The following HS6ST3 variants were observed in gnomAD, a reference collection of about 807,000 sequenced individuals.
HS6ST3 encodes the protein heparan sulfate 6-O-sulfotransferase 3.
HS6ST3 carries 12 observed loss-of-function variants against 36.7 expected under a neutral mutation model. That is an observed-to-expected ratio of 0.33 (90% CI 0.21 to 0.53). The LOEUF is 0.53. HS6ST3 is among the 20% of genes least tolerant of loss of function. The probability of loss-of-function intolerance (pLI) is 0.95; values close to 1 mark genes in which losing one functional copy is unlikely to be tolerated. For missense variants in HS6ST3, 584 were observed against 640.9 expected (o/e 0.91, Z 0.96); for synonymous variants, 240 against 257.5 (o/e 0.93, Z 0.65).
At chr13:96,544,497 A>C (rs2138944327) in intron 1 of HS6ST3, among the ~76,000 whole-genome samples, 1 of 152,360 alleles carries the variant, frequency 6.6e-6, no homozygotes, top group South Asian at 2.1e-4. Context: ...CAACAGTGGA[A>C]CAAGCTATTT....
At chr13:96,336,987 C>A (rs559549203) in intron 1 of HS6ST3, among the ~76,000 whole-genome samples, 1 of 152,296 alleles carries the variant, frequency 6.6e-6, no homozygotes, top group Non-Finnish European at 1.5e-5. Flanking sequence ...GTTACTACTT[C>A]ATCCTCAACC....
chr13:96,183,797 G>A (rs2054251735), intron 1 of HS6ST3, among the ~76,000 whole-genome samples: 1 of 152,206 alleles, frequency 6.6e-6, no homozygotes, highest in South Asian at 2.1e-4. Context: ...AGTGTTTAAC[G>A]GGTATGAAGT....
Position 96,325,793 on chromosome 13 carries a change from G to T in HS6ST3, c.707+234224G>T, listed in dbSNP as rs2055027860. 2.6e-5 allele frequency among the ~76,000 whole-genome samples: 4 copies of T among 152,136 alleles called. No homozygotes were observed. In the South Asian group the frequency reaches 8.3e-4, roughly 31 times the overall value. On this transcript the variant is annotated intron_variant, in intron 1 of 1. Transcript: ENST00000376705. ...ACAAAATTGGTCATTTAAATTGGTT[G>T]AGAAAGTTTTTAAGATATTGTGAAA... is the stretch of plus-strand genomic sequence containing the variant.
chr13:96,193,965 G>T (rs931213466), intron 1 of HS6ST3, among the ~76,000 whole-genome samples: 2 of 152,138 alleles, frequency 1.3e-5, no homozygotes, highest in Admixed American at 6.5e-5. Context: ...ATTCTAGGAA[G>T]AATTCTGCTG....
chr13:96,776,768 A>C (rs1877396264), intron 1 of HS6ST3, among the ~76,000 whole-genome samples: 1 of 152,218 alleles, frequency 6.6e-6, no homozygotes, highest in African/African-American at 2.4e-5. Context: ...ATGTACAAAG[A>C]GGAGCTGGTA....
chr13:96,795,511 C>T (rs555052559), intron 1 of HS6ST3, among the ~76,000 whole-genome samples: 2 of 152,170 alleles, frequency 1.3e-5, no homozygotes, highest in East Asian at 3.9e-4. Flanking sequence ...TTTTGAATCC[C>T]AACCTCATTC....
At chr13:96,242,031 C>T (rs113028823) in intron 1 of HS6ST3, among the ~76,000 whole-genome samples, 14,450 of 151,672 alleles carry the variant, frequency 0.095, 886 homozygotes, top group East Asian at 0.21. Context: ...GTGATCCGCC[C>T]GCCTCGGCCT....
At chr13:96,268,402 A>C (rs1457222875) in intron 1 of HS6ST3, among the ~76,000 whole-genome samples, 1 of 151,856 alleles carries the variant, frequency 6.6e-6, no homozygotes, top group African/African-American at 2.4e-5. Context: ...GCCCTTTACA[A>C]AACCATCAGA....
chr13:96,710,608 G>A (rs1875539191), intron 1 of HS6ST3, among the ~76,000 whole-genome samples: 1 of 152,268 alleles, frequency 6.6e-6, no homozygotes, highest in East Asian at 1.9e-4. Context: ...CTCTCAGCAT[G>A]AAGAGAAGCA....
chr13:96,136,682 CATATATATATATAT>C (rs56247662), intron 1 of HS6ST3, among the ~76,000 whole-genome samples: 4,552 of 130,418 alleles, frequency 0.035, 145 homozygotes, highest in African/African-American at 0.068. Context: ...TGTTATGAAA[CATATATATATATAT>C]ATATATATAT....
chr13:96,356,685 A>G (rs1465208601), intron 1 of HS6ST3, among the ~76,000 whole-genome samples: 1 of 152,222 alleles, frequency 6.6e-6, no homozygotes, highest in Non-Finnish European at 1.5e-5. Context: ...GAGCACAGGT[A>G]GAGTAGATTT....
In HS6ST3 at chr13:96,363,290, A is replaced by ATTT. The variant is rs35530266; in HGVS notation, c.707+271732_707+271734dup. On this transcript the variant is annotated intron_variant, in intron 1 of 1. Transcript: ENST00000376705. ...AAGGGTTTATGGGGTCTTCCTGTAC[A>ATTT]TTTTTTTTTTTTTGCAACATTCTGT... Among the ~76,000 whole-genome samples, 1,267 of 145,764 alleles carry ATTT rather than the reference A, an allele frequency of 8.7e-3. 9 individuals carry two copies. The highest frequency in any genetic ancestry group is 0.024 in the African/African-American group (956 of 39,898).
At chr13:96,721,368 T>C (rs573837224) in intron 1 of HS6ST3, among the ~76,000 whole-genome samples, 8 of 152,316 alleles carry the variant, frequency 5.3e-5, no homozygotes, top group Non-Finnish European at 1.0e-4. Flanking sequence ...GGGAGATTTT[T>C]CTATGACCAA....
intron 1 of HS6ST3, among the ~76,000 whole-genome samples, chr13:96,388,793 C>T (rs146513308): frequency 0.019 from 2,827 of 152,172 alleles, 52 homozygotes; most frequent in South Asian, 0.029. Flanking sequence ...GTTTTATAAG[C>T]GTCTGGCATT....
chr13:96,135,260 C>T (rs960855216), intron 1 of HS6ST3, among the ~76,000 whole-genome samples: 6 of 152,210 alleles, frequency 3.9e-5, no homozygotes, highest in South Asian at 2.1e-4. Context: ...CCCAGGAACA[C>T]GTGGGCTGCA....
chr13:96,123,942 G>A (rs564483145), intron 1 of HS6ST3, among the ~76,000 whole-genome samples: 7 of 152,250 alleles, frequency 4.6e-5, no homozygotes, highest in African/African-American at 1.4e-4. Context: ...CCTCTTAGAA[G>A]TATTATAGAA....
intron 1 of HS6ST3, among the ~76,000 whole-genome samples, chr13:96,502,534 C>T (rs985774707): frequency 1.3e-5 from 2 of 152,134 alleles, no homozygotes; most frequent in African/African-American, 4.8e-5. Flanking sequence ...AAAGCAGACA[C>T]ACAACCTCTG....
rs182334431 is a variant in HS6ST3 at position 96,815,890 on chromosome 13, C to T, written c.708-16600C>T. Among the ~76,000 whole-genome samples, 61 of 152,300 alleles carry T rather than the reference C, an allele frequency of 4.0e-4. 1 individual carries two copies. The highest frequency in any genetic ancestry group is 1.4e-3 in the African/African-American group (60 of 41,570). On this transcript the variant is annotated intron_variant, in intron 1 of 1. Transcript: ENST00000376705. The stretch of plus-strand genomic sequence containing the variant: ...CAAAGCCACAATCCCCCATGAGCCG[C>T]TAAGAATCTGGAGGTTTCTACCTGT...
At chr13:96,503,052 T>C (rs2056011744) in intron 1 of HS6ST3, among the ~76,000 whole-genome samples, 1 of 151,778 alleles carries the variant, frequency 6.6e-6, no homozygotes. Context: ...CTAAAAAGAG[T>C]TTTTCTTCTT....
Sources: allele counts gnomAD v4.1 joint callset (sites outside exome capture counted in the v4.1 genomes callset), GRCh38; gene constraint gnomAD v4.1.1; transcripts MANE v1.5; gene names NCBI Gene and HGNC (gene_info 2026-07-23, HGNC 2026-07-21).